The following SYNPR variants were observed in gnomAD, a reference collection of about 807,000 sequenced individuals.
SYNPR encodes the protein synaptoporin.
SYNPR carries 23 observed loss-of-function variants against 32.9 expected under a neutral mutation model. The observed-to-expected ratio is 0.70, with a 90% CI of 0.50 to 0.99. The LOEUF (loss-of-function observed/expected upper bound fraction) is 0.99. Among genes scored for constraint, SYNPR ranks in the 50% least tolerant of loss-of-function variants. The probability of loss-of-function intolerance (pLI) is 0.00; values close to 1 mark genes in which losing one functional copy is unlikely to be tolerated. For synonymous variants in SYNPR, 146 were observed against 135.9 expected, an observed-to-expected ratio of 1.07 and a Z score of -0.52; for missense variants, 318 against 349.3, an observed-to-expected ratio of 0.91 and a Z score of 0.71.
At chr3:63,242,956 G>T (rs908829270) in intron 1 of SYNPR, among the ~76,000 whole-genome samples, 1 of 151,932 alleles carries the variant, frequency 6.6e-6, no homozygotes, top group Admixed American at 6.6e-5. Flanking sequence ...TCAGCTAACT[G>T]GTTGAACAAT....
chr3:63,336,967 C>T (rs2106994295), intron 2 of SYNPR, among the ~76,000 whole-genome samples: 1 of 152,148 alleles, frequency 6.6e-6, no homozygotes, highest in Middle Eastern at 3.4e-3. Flanking sequence ...CATGGTGGCT[C>T]ACACCTGTAA....
chr3:63,483,376 A>G (rs1229153432), intron 3 of SYNPR, among the ~76,000 whole-genome samples: 1 of 152,146 alleles, frequency 6.6e-6, no homozygotes, highest in African/African-American at 2.4e-5. Context: ...GAAAAAATAT[A>G]ATAGTAAATG....
At chr3:63,300,844 A>C (rs904987512) in intron 2 of SYNPR, among the ~76,000 whole-genome samples, 11 of 151,964 alleles carry the variant, frequency 7.2e-5, no homozygotes, top group African/African-American at 2.4e-4. Context: ...ATTTCCTGGA[A>C]AGCACTCCCC....
intron 2 of SYNPR, among the ~76,000 whole-genome samples, chr3:63,261,592 G>C (rs1255647208): frequency 7.0e-6 from 1 of 143,440 alleles, no homozygotes; most frequent in Non-Finnish European, 1.5e-5. Flanking sequence ...GGGAGGGATA[G>C]CATTAGGAGA....
chr3:63,230,567 C>T (rs1441069846), intron 1 of SYNPR, among the ~76,000 whole-genome samples: 1 of 152,174 alleles, frequency 6.6e-6, no homozygotes, highest in Admixed American at 6.5e-5. Context: ...ACATTTCTTT[C>T]TGAGTTGCCT....
chr3:63,315,002 C>T (rs1467514636), intron 2 of SYNPR, among the ~76,000 whole-genome samples: 2 of 151,928 alleles, frequency 1.3e-5, no homozygotes, highest in African/African-American at 2.4e-5. Context: ...TCCTTTCCCC[C>T]ACTTTTTGTT....
the SYNPR span, among the ~76,000 whole-genome samples, chr3:63,208,620 C>T: frequency 3.9e-5 from 6 of 152,192 alleles, no homozygotes; most frequent in Non-Finnish European, 7.4e-5. Context: ...GCAAGGGTTT[C>T]TCAAATACTG....
chr3:63,488,000 C>A (rs1242029670), intron 3 of SYNPR, among the ~76,000 whole-genome samples: 1 of 152,132 alleles, frequency 6.6e-6, no homozygotes, highest in Non-Finnish European at 1.5e-5. Flanking sequence ...CTGTTTGGAA[C>A]ACGGGGGCAG....
chr3:63,479,630 T>C (rs1441353190), intron 2 of SYNPR, among the ~76,000 whole-genome samples: 2 of 152,184 alleles, frequency 1.3e-5, no homozygotes, highest in African/African-American at 4.8e-5. Context: ...GAGTTATAGA[T>C]AATATTCATT....
chr3:63,373,792 T>G (rs2087849418), intron 2 of SYNPR, among the ~76,000 whole-genome samples: 1 of 151,780 alleles, frequency 6.6e-6, no homozygotes, highest in South Asian at 2.1e-4. Context: ...TCTTCAAGGT[T>G]GAAATGAAAG....
At chr3:63,512,089 T>C (rs971446680) in intron 3 of SYNPR, among the ~76,000 whole-genome samples, 2 of 152,252 alleles carry the variant, frequency 1.3e-5, no homozygotes, top group East Asian at 3.9e-4. Context: ...GTAAATGAGA[T>C]AAACACAATT....
At chr3:63,368,560 A>C (rs530762370) in intron 2 of SYNPR, among the ~76,000 whole-genome samples, 1 of 152,308 alleles carries the variant, frequency 6.6e-6, no homozygotes, top group African/African-American at 2.4e-5. Context: ...CTTAAGATTA[A>C]TGGGGAAGGA....
the SYNPR span, among the ~76,000 whole-genome samples, chr3:63,210,541 A>C: frequency 6.6e-6 from 1 of 152,208 alleles, no homozygotes; most frequent in Non-Finnish European, 1.5e-5. Flanking sequence ...GTTTCCTACA[A>C]ACCTTACTTG....
At chr3:63,512,899 G>GA (rs1166374786) in intron 3 of SYNPR, among the ~76,000 whole-genome samples, 1 of 152,100 alleles carries the variant, frequency 6.6e-6, no homozygotes, top group Non-Finnish European at 1.5e-5. Context: ...TTGTTCTCTT[G>GA]AAAATCTAAA....
chr3:63,456,487 C>T (rs1700484588), intron 2 of SYNPR, among the ~76,000 whole-genome samples: 1 of 152,018 alleles, frequency 6.6e-6, no homozygotes, highest in Non-Finnish European at 1.5e-5. Context: ...TTTTTGAGCC[C>T]TTCAGGCACA....
At chr3:63,522,285 C>A (rs557892376) in intron 3 of SYNPR, among the ~76,000 whole-genome samples, 79 of 152,252 alleles carry the variant, frequency 5.2e-4, no homozygotes, top group African/African-American at 1.7e-3. Context: ...TCACTTTATC[C>A]AAGGAATTTC....
intron 1 of SYNPR, among the ~76,000 whole-genome samples, chr3:63,241,116 A>G (rs1430056805): frequency 6.6e-6 from 1 of 152,178 alleles, no homozygotes; most frequent in African/African-American, 2.4e-5. Flanking sequence ...GTTACAGGAC[A>G]GAGACAGAAA....
chr3:63,402,488 G>A (rs2088305712), intron 2 of SYNPR, among the ~76,000 whole-genome samples: 1 of 152,204 alleles, frequency 6.6e-6, no homozygotes, highest in Non-Finnish European at 1.5e-5. Context: ...AACCATAAAG[G>A]ATTCTGGAAA....
rs539693139 is a variant in SYNPR, at chr3:63,324,658, A to G, written c.84+45916A>G. ...AGGAAATATATAGTATTGGGTTTAT[A>G]AATTACAAGAGTCCTCTTTGGTGCT... On this transcript the variant is annotated intron_variant, in intron 2 of 5. Transcript: ENST00000478300. 2.2e-4 allele frequency among the ~76,000 whole-genome samples: 34 copies of G among 152,236 alleles called. No individual in the cohort carries two copies. The South Asian group carries it at 6.8e-3, about 31-fold the overall frequency.
Sources: allele counts gnomAD v4.1 joint callset (sites outside exome capture counted in the v4.1 genomes callset), GRCh38; gene constraint gnomAD v4.1.1; transcripts MANE v1.5; gene names NCBI Gene and HGNC (gene_info 2026-07-23, HGNC 2026-07-21).